Variants in SYNE2 observed in about 807,000 individuals in gnomAD.
SYNE2 encodes the protein nesprin-2.
In SYNE2, 431 loss-of-function variants were observed where a neutral mutation model predicts 856.3. The ratio of observed to expected loss-of-function variants is 0.50; its 90% CI spans 0.47 to 0.55. The LOEUF is 0.55. Among genes scored for constraint, SYNE2 ranks in the 20% least tolerant of loss-of-function variants. SYNE2 has a pLI of 0.00. For synonymous variants in SYNE2, 2,923 were observed against 2,872.3 expected, an observed-to-expected ratio of 1.02 and a Z score of -0.56; for missense variants, 8,129 against 8,023.2, an observed-to-expected ratio of 1.01 and a Z score of -0.50.
Position 64,138,514 on chromosome 14 carries a change from G to A in SYNE2, c.14843+531G>A, listed in dbSNP as rs902963920. On this transcript the variant is annotated intron_variant, in intron 79 of 115. Transcript: ENST00000555002. Reference sequence around the variant, plus strand: ...TTCCCAAAGTGCTGGGATTACAGGTGTAAGCCACTGCACCCAGCTAGTTTA... The same window carrying A: ...TTCCCAAAGTGCTGGGATTACAGGTATAAGCCACTGCACCCAGCTAGTTTA... Among the ~76,000 whole-genome samples the A allele has an allele frequency of 3.3e-5, 5 of 152,148 alleles. No individual in the cohort carries two copies. In the East Asian group the frequency reaches 9.6e-4, roughly 29 times the overall value.
chr14:64,000,865 A>G (rs2096748637), intron 28 of SYNE2, 146 bp downstream of exon 28: 1 of 732,244 alleles, frequency 1.4e-6, no homozygotes, highest in Admixed American at 2.8e-5. Flanking sequence ...TTATGATTGC[A>G]TTTTGCTGAT....
chr14:64,217,212 G>T (rs779058800), intron 108 of SYNE2, among the ~76,000 whole-genome samples: 1 of 152,226 alleles, frequency 6.6e-6, no homozygotes, highest in African/African-American at 2.4e-5. Context: ...CCTAGTAGTT[G>T]TTAAGATTAT....
In SYNE2 at chr14:64,214,071, C is replaced by T. The variant is rs1596272272; in HGVS notation, c.19057-123C>T. On this transcript the variant is annotated intron_variant, in intron 105 of 115. Transcript: ENST00000555002. ...ACCTGGGAACCTGATCTTTTTAAAG[C>T]TGCCTTAGAAATACTATTGGCAGTT... 5 of 1,453,588 alleles carry T rather than the reference C, an allele frequency of 3.4e-6. No individual in the cohort carries two copies. In the East Asian group the frequency reaches 9.7e-5, roughly 28 times the overall value. 90.0% of individuals were successfully genotyped at this position (1,453,588 alleles called of 1,614,324 possible).
chr14:63,963,621 A>C (rs977404776), intron 9 of SYNE2, among the ~76,000 whole-genome samples: 1 of 152,216 alleles, frequency 6.6e-6, no homozygotes, highest in Non-Finnish European at 1.5e-5. Context: ...AATGCCTGCT[A>C]TAAAGAAGTG....
chr14:64,019,683 G>A (rs978160301), intron 34 of SYNE2, among the ~76,000 whole-genome samples: 3 of 152,108 alleles, frequency 2.0e-5, no homozygotes, highest in Non-Finnish European at 2.9e-5. Flanking sequence ...GTGCAGATGC[G>A]CACACACGGG....
intron 34 of SYNE2, among the ~76,000 whole-genome samples, chr14:64,019,352 T>C (rs897046476): frequency 6.6e-6 from 1 of 152,170 alleles, no homozygotes; most frequent in Non-Finnish European, 1.5e-5. Flanking sequence ...CAACGTAACA[T>C]AAAAATGTAT....
chr14:63,967,949 G>C, intron 11 of SYNE2, 103 bp downstream of exon 11: 1 of 1,155,808 alleles, frequency 8.7e-7, no homozygotes. Flanking sequence ...GATCACTTGA[G>C]GTCAGGAGTT....
chr14:63,829,519 A>C (rs1409978545), intron 1 of SYNE2, among the ~76,000 whole-genome samples: 1 of 152,196 alleles, frequency 6.6e-6, no homozygotes, highest in Non-Finnish European at 1.5e-5. Context: ...TCCTAGATAC[A>C]CATACTCAAG....
chr14:63,976,487 A>G (rs955025768), intron 11 of SYNE2, 76 bp from the exon 12 acceptor site: 3 of 1,492,420 alleles, frequency 2.0e-6, no homozygotes, highest in African/African-American at 2.8e-5. Context: ...CAAAGAATCA[A>G]ACATACTGTA....
chr14:64,198,217 G>A (rs890527980), intron 99 of SYNE2, among the ~76,000 whole-genome samples: 6 of 152,196 alleles, frequency 3.9e-5, no homozygotes, highest in African/African-American at 1.2e-4. Context: ...GCAGCAAAGC[G>A]CTCAGGTGGT....
At position 64,225,703 on chromosome 14, in the gene SYNE2, T is replaced by G. The variant is rs1303041130; in HGVS notation, c.*177T>G. 2 of 717,488 alleles carry G rather than the reference T, an allele frequency of 2.8e-6. No individual in the cohort carries two copies. Among genetic ancestry groups the G allele is most frequent in the Non-Finnish European group, 4.9e-6 (2 of 411,534 alleles). 44.4% of individuals were successfully genotyped at this position (717,488 alleles called of 1,614,324 possible). ...GCCCAGGGCAGCTTTCAGATTGTGT[T>G]CCTCCCCAGGAGCAGGGAACCTGTG... On this transcript the variant is annotated 3_prime_UTR_variant, in exon 116 of 116. Transcript: ENST00000555002.
intron 1 of SYNE2, among the ~76,000 whole-genome samples, chr14:63,782,513 G>A (rs1220873724): frequency 6.8e-6 from 1 of 147,958 alleles, no homozygotes; most frequent in African/African-American, 2.5e-5. Flanking sequence ...ACATCAAAAG[G>A]GACAAAAGAT....
chr14:64,127,560 T>C (rs1457641252), intron 73 of SYNE2, among the ~76,000 whole-genome samples: 2 of 152,226 alleles, frequency 1.3e-5, no homozygotes, highest in Non-Finnish European at 2.9e-5. Flanking sequence ...GTTTTTGTTT[T>C]TCTAGCTAGA....
intron 1 of SYNE2, among the ~76,000 whole-genome samples, chr14:63,898,579 T>C (rs907494644): frequency 5.3e-5 from 8 of 151,740 alleles, no homozygotes; most frequent in Non-Finnish European, 8.8e-5. Context: ...TAATTTTTGT[T>C]TTTTTTTGTA....
In SYNE2 at chr14:64,097,361, A is replaced by G. The variant is rs148483813; in HGVS notation, c.12109-588A>G. Among the ~76,000 whole-genome samples, 593 of 152,346 alleles carry G rather than the reference A, an allele frequency of 3.9e-3. 1 individual carries two copies. The highest frequency in any genetic ancestry group is 0.014 in the African/African-American group (569 of 41,578). Reference sequence around the variant, plus strand: ...AAAAAAAAAGTAAATGAATTTAGTAATACCAAAGAAGCCTTCAAAGATGAT... The same window carrying G: ...AAAAAAAAAGTAAATGAATTTAGTAGTACCAAAGAAGCCTTCAAAGATGAT... On this transcript the variant is annotated intron_variant, in intron 61 of 115. Coordinates refer to ENST00000555002, the MANE Select transcript of SYNE2 (RefSeq NM_182914.3).
intron 2 of SYNE2, among the ~76,000 whole-genome samples, chr14:63,936,395 G>A (rs2095833852): frequency 6.6e-6 from 1 of 152,100 alleles, no homozygotes; most frequent in African/African-American, 2.4e-5. Context: ...AATAGAGCAG[G>A]ACAAGAGGGA....
At chr14:64,014,342 T>C (rs936562957) in intron 32 of SYNE2, among the ~76,000 whole-genome samples, 1 of 152,204 alleles carries the variant, frequency 6.6e-6, no homozygotes, top group South Asian at 2.1e-4. Flanking sequence ...TGTAAAGGAG[T>C]CTTTGGTGAA....
At chr14:63,926,721 G>T (rs1040312754) in intron 2 of SYNE2, among the ~76,000 whole-genome samples, 1 of 152,180 alleles carries the variant, frequency 6.6e-6, no homozygotes, top group Admixed American at 6.5e-5. Context: ...TAAGACTGAG[G>T]CACACAGCTA....
intron 66 of SYNE2, among the ~76,000 whole-genome samples, chr14:64,118,644 C>T (rs914542567): frequency 6.6e-6 from 1 of 151,954 alleles, no homozygotes; most frequent in African/African-American, 2.4e-5. Context: ...GGGCAGATCA[C>T]GAGGTCAGGA....
Sources: allele counts gnomAD v4.1 joint callset (sites outside exome capture counted in the v4.1 genomes callset), GRCh38; gene constraint gnomAD v4.1.1; transcripts MANE v1.5; gene names NCBI Gene and HGNC (gene_info 2026-07-23, HGNC 2026-07-21).